Variants in ITGA11 observed in about 807,000 individuals in gnomAD.
ITGA11 encodes integrin subunit alpha 11, also known as integrin alpha-11.
Under a neutral mutation model 141.9 loss-of-function variants are expected in ITGA11, and 97 were observed. The observed-to-expected ratio is 0.68, with a 90% confidence interval of 0.58 to 0.81. The LOEUF is 0.81. Among genes scored for constraint, ITGA11 ranks in the 30% least tolerant of loss-of-function variants. The pLI is 0.00. For missense variants in ITGA11, 1,387 were observed against 1,559.2 expected (o/e 0.89, Z 1.86); for synonymous variants, 658 against 624.6 (o/e 1.05, Z -0.80).
At chr15:68,311,579 G>A (rs1893387301) in intron 24 of ITGA11, among the ~76,000 whole-genome samples, 176 bp from the exon 25 acceptor site, 1 of 152,224 alleles carries the variant, frequency 6.6e-6, no homozygotes. Flanking sequence ...GTCAAATTGT[G>A]GCCGGGGACT....
intron 2 of ITGA11, among the ~76,000 whole-genome samples, chr15:68,370,780 C>T (rs544063880): frequency 1.3e-5 from 2 of 152,216 alleles, no homozygotes; most frequent in African/African-American, 2.4e-5. Flanking sequence ...AGACCTTGCT[C>T]TTCCAGCAGC....
intron 4 of ITGA11, 123 bp from the exon 5 acceptor site, chr15:68,361,827 G>T: frequency 1.5e-6 from 1 of 652,572 alleles, no homozygotes; most frequent in South Asian, 1.9e-5. Flanking sequence ...AGGGGTGAGG[G>T]GGTGAGGGAT....
Position 68,303,163 on chromosome 15 carries a change from AG to A in ITGA11, c.3496-34del. 6 of 1,541,970 alleles carry A rather than the reference AG, an allele frequency of 3.9e-6. No homozygotes were observed. Among genetic ancestry groups the A allele is most frequent in the Non-Finnish European group, 5.3e-6 (6 of 1,140,342 alleles). On this transcript the variant is annotated intron_variant, in intron 29 of 29. Coordinates refer to ENST00000315757, the MANE Select transcript of ITGA11 (RefSeq NM_001004439.2). The surrounding 1 kb of genome is among the most constrained non-coding windows in gnomAD (Gnocchi z 5.3). ...GAGGCAAAGGGAGACGTCTCAGAGG[AG>A]GACAGGGTGGGCAAGGCCTGCCCCA...
chr15:68,369,191 G>A lies in ITGA11; in HGVS notation c.258C>T (p.Leu86=), dbSNP rs1164952345. Residue 86 remains leucine (L), a synonymous_variant, in exon 3 of 30, where the codon CTC becomes CTT. Transcript: ENST00000315757. ...CPVIHGNCTK[L]NLGRVTLSNV... ...ACCACCAGCCCACGTTACCCAGGTT[G>A]AGTTTGGTGCAGTTCCCGTGGATCA... 9 of 1,612,896 alleles carry A rather than the reference G, an allele frequency of 5.6e-6. No homozygotes were observed. The highest frequency in any genetic ancestry group is 7.6e-6 in the Non-Finnish European group (9 of 1,178,992).
At chr15:68,418,337 T>C (rs1355717198) in intron 1 of ITGA11, among the ~76,000 whole-genome samples, 3 of 152,178 alleles carry the variant, frequency 2.0e-5, no homozygotes, top group African/African-American at 7.2e-5. Context: ...GGGAAAGTGA[T>C]AGAGCCTCAG....
At position 68,320,393 on chromosome 15, in the gene ITGA11, C is replaced by A. The variant is rs758532645; in HGVS notation, c.2409-1G>T. 6.3e-7 allele frequency: 1 copy of A among 1,580,804 alleles called. No homozygotes were observed. Among genetic ancestry groups the A allele is most frequent in the East Asian group, 2.3e-5 (1 of 43,042 alleles). Reference sequence around the variant, plus strand: ...CCTCAGCACCCTCTGGCAGTACTCCCTGAGAACAAGAGACCACCAGAGACT... The same window carrying A: ...CCTCAGCACCCTCTGGCAGTACTCCATGAGAACAAGAGACCACCAGAGACT... On this transcript the variant is annotated splice_acceptor_variant, in intron 19 of 29. Transcript: ENST00000315757. LOFTEE classifies it high-confidence loss of function.
intron 1 of ITGA11, among the ~76,000 whole-genome samples, chr15:68,415,749 C>T (rs1247722038): frequency 6.6e-6 from 1 of 152,206 alleles, no homozygotes; most frequent in Non-Finnish European, 1.5e-5. Context: ...GCAGAGAGCT[C>T]ATGTGTGTCA....
intron 1 of ITGA11, among the ~76,000 whole-genome samples, chr15:68,415,304 G>A (rs2140429361): frequency 6.6e-6 from 1 of 152,272 alleles, no homozygotes; most frequent in South Asian, 2.1e-4. Flanking sequence ...AAGACGGGGA[G>A]GAATAATGGG....
chr15:68,371,059 C>CTA (rs1435535831), intron 2 of ITGA11, among the ~76,000 whole-genome samples: 2 of 152,152 alleles, frequency 1.3e-5, no homozygotes, highest in South Asian at 2.1e-4. Context: ...ATGGCAGATT[C>CTA]TATATATATC....
In ITGA11 at chr15:68,353,641, A is replaced by T. The variant is rs1485447693; in HGVS notation, c.750-2239T>A. ...ATCAGATTTTAAATTCGGATTCTGC[A>T]CTGGGTAAAGGGACTTGGATTTGTT... is the stretch of plus-strand genomic sequence containing the variant. On this transcript the variant is annotated intron_variant, in intron 7 of 29. Transcript: ENST00000315757. Among the ~76,000 whole-genome samples, 3 of 152,218 alleles carry T rather than the reference A, an allele frequency of 2.0e-5. No individual in the cohort carries two copies. In the South Asian group the frequency reaches 6.2e-4, roughly 32 times the overall value.
rs1893114157 is a variant in ITGA11 at position 68,304,045 on chromosome 15, G to A, written c.3382-160C>T. On this transcript the variant is annotated intron_variant, in intron 28 of 29. Coordinates refer to ENST00000315757, the MANE Select transcript of ITGA11 (RefSeq NM_001004439.2). This position sits in a 1 kb window ranked among gnomAD's most constrained non-coding sequence, Gnocchi z 6.1. ...GGGATGGGTGGACAGGCCAGCCAAG[G>A]CCTCAGGACGACCACTGCCTGAACA... Among the ~76,000 whole-genome samples the A allele has an allele frequency of 6.6e-6, 1 of 152,130 alleles. No homozygotes were observed. The highest frequency in any genetic ancestry group is 2.4e-5 in the African/African-American group (1 of 41,404).
chr15:68,431,416 G>T (rs554667559), intron 1 of ITGA11, among the ~76,000 whole-genome samples: 1 of 152,352 alleles, frequency 6.6e-6, no homozygotes, highest in South Asian at 2.1e-4. Flanking sequence ...GTGTCCCGCC[G>T]CTGCTGGCCG....
Position 68,322,214 on chromosome 15 carries a change from G to GT in ITGA11, c.2323-712dup, listed in dbSNP as rs1246370195. Among the ~76,000 whole-genome samples the GT allele has an allele frequency of 6.6e-6, 1 of 152,202 alleles. No individual in the cohort carries two copies. Among genetic ancestry groups the GT allele is most frequent in the Non-Finnish European group, 1.5e-5 (1 of 68,028 alleles). ...GAGGAAGAGATGGTCAGGGGCCTGTGTTTACAGGGCCTTGGGGTCATTCCT... is the reference window on the plus strand; with the variant it reads ...GAGGAAGAGATGGTCAGGGGCCTGTGTTTTACAGGGCCTTGGGGTCATTCCT... On this transcript the variant is annotated intron_variant, in intron 18 of 29. Coordinates refer to ENST00000315757, the MANE Select transcript of ITGA11 (RefSeq NM_001004439.2). This position sits in a 1 kb window ranked among gnomAD's most constrained non-coding sequence, Gnocchi z 5.6.
chr15:68,415,191 C>A (rs962905101), intron 1 of ITGA11, among the ~76,000 whole-genome samples: 1 of 152,218 alleles, frequency 6.6e-6, no homozygotes, highest in Non-Finnish European at 1.5e-5. Flanking sequence ...ATTCCTTATT[C>A]CTCCAACTAT....
intron 1 of ITGA11, among the ~76,000 whole-genome samples, chr15:68,423,998 C>T (rs560575548): frequency 9.2e-5 from 14 of 152,198 alleles, no homozygotes; most frequent in Non-Finnish European, 1.2e-4. Context: ...GAGAACCCCC[C>T]GCCCCAGTGC....
At chr15:68,338,769 G>A (rs1488281854) in intron 11 of ITGA11, among the ~76,000 whole-genome samples, 2 of 152,228 alleles carry the variant, frequency 1.3e-5, no homozygotes, top group Non-Finnish European at 2.9e-5. Flanking sequence ...AGTGGGGTCC[G>A]AGGAGGCCTC....
chr15:68,301,638 T>G lies in ITGA11; in HGVS notation c.*1421A>C, dbSNP rs1310671649. 1 of 152,234 alleles carries G rather than the reference T, an allele frequency of 6.6e-6. No individual in the cohort carries two copies. Among genetic ancestry groups the G allele is most frequent in the Non-Finnish European group, 1.5e-5 (1 of 68,046 alleles). 9.4% of individuals were successfully genotyped at this position (152,234 alleles called of 1,614,324 possible). ...AGGAACTCCCTCATTCTACTTCCTC[T>G]CCTTCAAAGGGGAGTATGGCTCACT... On this transcript the variant is annotated 3_prime_UTR_variant, in exon 30 of 30. Coordinates refer to ENST00000315757, the MANE Select transcript of ITGA11 (RefSeq NM_001004439.2). This position sits in a 1 kb window ranked among gnomAD's most constrained non-coding sequence, Gnocchi z 4.4.
intron 11 of ITGA11, 179 bp from the exon 12 acceptor site, chr15:68,336,024 A>G: frequency 1.4e-6 from 1 of 719,210 alleles, no homozygotes; most frequent in South Asian, 1.8e-5. Flanking sequence ...GAGGCCTGGA[A>G]GAGGCAGGAC....
Position 68,339,635 on chromosome 15 carries a change from G to C in ITGA11, c.1141C>G (p.Leu381Val), listed in dbSNP as rs202150175. The C allele has an allele frequency of 6.2e-7, 1 of 1,613,970 alleles. No individual in the cohort carries two copies. Among genetic ancestry groups the C allele is most frequent in the South Asian group, 1.1e-5 (1 of 91,082 alleles). The change falls in exon 11 of 30, where the codon CTG (leucine) becomes GTG (valine). Residue 381 changes from leucine (L) to valine (V), a missense_variant. Transcript: ENST00000315757. ...TCATAGGCACCGACGGCTCCCAGCA[G>C]AACCCCATCCTGGCATTGGGGAGGG... is the stretch of plus-strand genomic sequence containing the variant. ...FSSHVVEDGV[L>V]LGAVGAYDWN...
Sources: gnomAD v4.1 joint callset for allele counts (sites outside exome capture counted in the v4.1 genomes callset) on GRCh38, gnomAD v4.1.1 for gene constraint, Gnocchi (gnomAD v3.1) non-coding constraint, MANE v1.5 for transcripts, NCBI Gene and HGNC (gene_info 2026-07-23, HGNC 2026-07-21) for gene names.